ABL2: variants seen among roughly 807,000 people sequenced by gnomAD.
The protein encoded by ABL2 is ABL proto-oncogene 2, non-receptor tyrosine kinase.
A neutral mutation model predicts 107.7 loss-of-function variants in ABL2; 49 were observed. The observed-to-expected ratio is 0.45, with a 90% CI of 0.36 to 0.58. The LOEUF is 0.58. Ranked by LOEUF, ABL2 falls within the 20% of genes least tolerant of loss-of-function variation. The pLI is 0.00. For missense variants in ABL2, 1,245 were observed against 1,457.0 expected (o/e 0.85, Z 2.37); for synonymous variants, 549 against 548.6 (o/e 1.00, Z -0.01).
At chr1:179,159,578 G>GT (rs1658938589) in intron 1 of ABL2, among the ~76,000 whole-genome samples, 3 of 152,202 alleles carry the variant, frequency 2.0e-5, no homozygotes, top group African/African-American at 7.2e-5. Context: ...GTTTTTGGTT[G>GT]TTTTTGCAAC....
At position 179,100,468 on chromosome 1, in the gene ABL2, T is replaced by C. The variant is rs1653009452; in HGVS notation, c.*7250A>G. 8.8e-6 allele frequency: 2 copies of C among 227,260 alleles called. No homozygotes were observed. Among genetic ancestry groups the C allele is most frequent in the Non-Finnish European group, 1.7e-5 (2 of 114,446 alleles). The allele number at this position is 227,260 out of a possible 1,614,324, so 14.1% of individuals were successfully genotyped here. On this transcript the variant is annotated 3_prime_UTR_variant, in exon 12 of 12. Coordinates refer to ENST00000502732, the MANE Select transcript of ABL2 (RefSeq NM_007314.4). ...TGTCATAATTGCTGAAAATTAAGTATACATATATGTGAAAATTTAAGTCCC... is the reference window on the plus strand; with the variant it reads ...TGTCATAATTGCTGAAAATTAAGTACACATATATGTGAAAATTTAAGTCCC...
chr1:179,169,557 A>G (rs1043330815), intron 1 of ABL2, among the ~76,000 whole-genome samples: 2 of 152,094 alleles, frequency 1.3e-5, no homozygotes, highest in African/African-American at 4.8e-5. Context: ...CAAAATAAAA[A>G]AAAAAAAAGA....
Position 179,104,930 on chromosome 1 carries a change from A to C in ABL2, c.*2788T>G, listed in dbSNP as rs1653372188. On this transcript the variant is annotated 3_prime_UTR_variant, in exon 12 of 12. Coordinates refer to ENST00000502732, the MANE Select transcript of ABL2 (RefSeq NM_007314.4). ...GGATTCAAACCTTTTAATTTACATA[A>C]GGGTTTGTGTTTAAGCTGGTCCTTT... The C allele has an allele frequency of 4.5e-6, 1 of 223,102 alleles. No individual in the cohort carries two copies. Among genetic ancestry groups the C allele is most frequent in the South Asian group, 1.8e-4 (1 of 5,440 alleles). 13.8% of individuals were successfully genotyped at this position (223,102 alleles called of 1,614,324 possible).
intron 1 of ABL2, among the ~76,000 whole-genome samples, chr1:179,170,052 C>A (rs1659629171): frequency 6.6e-6 from 1 of 152,110 alleles, no homozygotes; most frequent in Admixed American, 6.6e-5. Context: ...ACGACAACAA[C>A]AAAACATGTT....
At chr1:179,219,254 G>A (rs1662746205) in intron 1 of ABL2, among the ~76,000 whole-genome samples, 1 of 152,108 alleles carries the variant, frequency 6.6e-6, no homozygotes, top group Non-Finnish European at 1.5e-5. Flanking sequence ...CGTTGCCTAG[G>A]CTGGTCTTGA....
chr1:179,178,400 T>TAAAAAAAAAAAAAA (rs1437261927), intron 1 of ABL2, among the ~76,000 whole-genome samples: 1 of 36,128 alleles, frequency 2.8e-5, no homozygotes, highest in Non-Finnish European at 6.2e-5. Flanking sequence ...AGACTCTGCC[T>TAAAAAAAAAAAAAA]CAAAAAAAAA....
At chr1:179,130,872 A>C (rs1451031107) in intron 3 of ABL2, among the ~76,000 whole-genome samples, 2 of 152,022 alleles carry the variant, frequency 1.3e-5, no homozygotes, top group African/African-American at 4.8e-5. Flanking sequence ...AGTCTGCCTA[A>C]GCTTATTCTT....
chr1:179,153,061 A>G (rs892523065), intron 1 of ABL2, among the ~76,000 whole-genome samples: 7 of 151,470 alleles, frequency 4.6e-5, no homozygotes, highest in South Asian at 4.2e-4. Flanking sequence ...CATTTTACAG[A>G]AAAAAAAAGG....
At chr1:179,207,001 A>C (rs945982447) in intron 1 of ABL2, among the ~76,000 whole-genome samples, 1 of 152,164 alleles carries the variant, frequency 6.6e-6, no homozygotes, top group African/African-American at 2.4e-5. Context: ...GAGAGACAGA[A>C]TATGCAGTCT....
rs1043864848 is a variant in ABL2, at chr1:179,100,282, A to G, written c.*7436T>C. ...GTTTCTCTGGCCCTCATCTACCAGAAGCATCTCTGTCCCCTGGCGTTCTTG... is the reference window on the plus strand; with the variant it reads ...GTTTCTCTGGCCCTCATCTACCAGAGGCATCTCTGTCCCCTGGCGTTCTTG... On this transcript the variant is annotated 3_prime_UTR_variant, in exon 12 of 12. Coordinates refer to ENST00000502732, the MANE Select transcript of ABL2 (RefSeq NM_007314.4). The G allele has an allele frequency of 2.2e-5, 5 of 228,756 alleles. No homozygotes were observed. In the Admixed American group the frequency reaches 2.3e-4, roughly 10 times the overall value. 14.2% of individuals were successfully genotyped at this position (228,756 alleles called of 1,614,324 possible). A position where few individuals can be genotyped will look rare whatever the true frequency, so the allele number is the denominator to read the frequency against.
intron 3 of ABL2, among the ~76,000 whole-genome samples, chr1:179,128,030 T>TAAAAAA (rs11419750): frequency 8.0e-6 from 1 of 124,974 alleles, no homozygotes; most frequent in Admixed American, 8.2e-5. Context: ...GTGAGACTGC[T>TAAAAAA]AAAAAAAAAA....
At chr1:179,122,552 A>ATC (rs1489172244) in intron 4 of ABL2, among the ~76,000 whole-genome samples, 1 of 152,056 alleles carries the variant, frequency 6.6e-6, no homozygotes. Flanking sequence ...ACCTTCCAAG[A>ATC]TCTCTCTCTG....
At chr1:179,136,741 T>TAAATAAA (rs1357000019) in intron 1 of ABL2, among the ~76,000 whole-genome samples, 2 of 124,312 alleles carry the variant, frequency 1.6e-5, no homozygotes, top group Middle Eastern at 3.9e-3. Flanking sequence ...AATAAATAAA[T>TAAATAAA]AAAAATAAAA....
At position 179,229,505 on chromosome 1, in the gene ABL2, C is replaced by A. The variant is rs1235214832; in HGVS notation, c.-108G>T. 8.0e-6 allele frequency: 10 copies of A among 1,254,490 alleles called. No homozygotes were observed. The highest frequency in any genetic ancestry group is 1.0e-5 in the Non-Finnish European group (10 of 968,978). 77.7% of individuals were successfully genotyped at this position (1,254,490 alleles called of 1,614,324 possible). A position where few individuals can be genotyped will look rare whatever the true frequency, so the allele number is the denominator to read the frequency against. Reference sequence around the variant, plus strand: ...TCCGGTCTCTCCCTCCCAGCCCAGGCCCTGGCCCTGAGTGGCTGGGCCACC... The same window carrying A: ...TCCGGTCTCTCCCTCCCAGCCCAGGACCTGGCCCTGAGTGGCTGGGCCACC... On this transcript the variant is annotated 5_prime_UTR_variant, in exon 1 of 12. Coordinates refer to ENST00000502732, the MANE Select transcript of ABL2 (RefSeq NM_007314.4).
chr1:179,210,503 CAAAAAAA>C (rs113814284), intron 1 of ABL2, among the ~76,000 whole-genome samples: 1 of 94,120 alleles, frequency 1.1e-5, no homozygotes, highest in South Asian at 3.7e-4. Context: ...CTCTAACTCA[CAAAAAAA>C]AAAAAAAAGA....
In ABL2 at chr1:179,229,538, C is replaced by T. The variant is rs1332845202; in HGVS notation, c.-141G>A. The T allele has an allele frequency of 1.2e-6, 1 of 821,072 alleles. No homozygotes were observed. The highest frequency in any genetic ancestry group is 1.8e-5 in the African/African-American group (1 of 54,896). 50.9% of individuals were successfully genotyped at this position (821,072 alleles called of 1,614,324 possible). A position where few individuals can be genotyped will look rare whatever the true frequency, so the allele number is the denominator to read the frequency against. The stretch of plus-strand genomic sequence containing the variant: ...CTGAGTGGCTGGGCCACCGGCGGCT[C>T]CGCACCCGGCCTCCTCACGGCAGCC... On this transcript the variant is annotated 5_prime_UTR_variant, in exon 1 of 12. Coordinates refer to ENST00000502732, the MANE Select transcript of ABL2 (RefSeq NM_007314.4).
At chr1:179,172,165 A>T (rs1263954033) in intron 1 of ABL2, among the ~76,000 whole-genome samples, 1 of 152,246 alleles carries the variant, frequency 6.6e-6, no homozygotes, top group African/African-American at 2.4e-5. Flanking sequence ...TAGAATTAAA[A>T]GTTGGTATAT....
At chr1:179,212,377 C>G (rs1396098402) in intron 1 of ABL2, among the ~76,000 whole-genome samples, 2 of 152,172 alleles carry the variant, frequency 1.3e-5, no homozygotes, top group Non-Finnish European at 2.9e-5. Context: ...CAAGGGTGAA[C>G]AAGACCAAGT....
At chr1:179,141,360 G>A (rs1313278980) in intron 1 of ABL2, among the ~76,000 whole-genome samples, 5 of 151,998 alleles carry the variant, frequency 3.3e-5, no homozygotes, top group African/African-American at 1.2e-4. Context: ...CTGTCAATAC[G>A]CAAGGACATG....
Sources: gnomAD v4.1 joint callset for allele counts (sites outside exome capture counted in the v4.1 genomes callset) on GRCh38, gnomAD v4.1.1 for gene constraint, MANE v1.5 for transcripts, NCBI Gene and HGNC (gene_info 2026-07-23, HGNC 2026-07-21) for gene names.